Variants in ORC3 observed in about 807,000 individuals in gnomAD.
The protein encoded by ORC3 is homolog of latheo, Drosophila.
Under a neutral mutation model 100.7 loss-of-function variants are expected in ORC3, and 78 were observed. The ratio of observed to expected loss-of-function variants is 0.77; its 90% CI spans 0.65 to 0.94. The LOEUF is 0.94. Ranked by LOEUF, ORC3 falls within the 40% of genes least tolerant of loss-of-function variation. ORC3 has a pLI of 0.00. For synonymous variants in ORC3, 295 were observed against 289.3 expected, an observed-to-expected ratio of 1.02 and a Z score of -0.20; for missense variants, 789 against 823.9, an observed-to-expected ratio of 0.96 and a Z score of 0.52.
At chr6:87,636,093 C>T (rs759755186) in intron 12 of ORC3, among the ~76,000 whole-genome samples, 14 of 151,738 alleles carry the variant, frequency 9.2e-5, no homozygotes, top group Non-Finnish European at 2.1e-4. Context: ...TACAGATGCC[C>T]GGCTAGTTTT....
At chr6:87,639,717 C>T (rs1241689152) in intron 13 of ORC3, among the ~76,000 whole-genome samples, 9 of 151,722 alleles carry the variant, frequency 5.9e-5, no homozygotes, top group South Asian at 4.2e-4. Context: ...CAGTGGCTTA[C>T]GCCTGTAATC....
chr6:87,663,546 AAG>A (rs1483471934), intron 17 of ORC3, among the ~76,000 whole-genome samples: 1 of 152,240 alleles, frequency 6.6e-6, no homozygotes, highest in Non-Finnish European at 1.5e-5. Flanking sequence ...TCTAGTGGGA[AAG>A]AGAAATACTT....
rs904895395 is a variant in ORC3, at chr6:87,622,777, C to A, written c.1185+764C>A. ...TATTTTGGCAGTTGCTGCCTTCTTACAATATTCTGCACCTTGTTTCATTTT... is the reference window on the plus strand; with the variant it reads ...TATTTTGGCAGTTGCTGCCTTCTTAAAATATTCTGCACCTTGTTTCATTTT... On this transcript the variant is annotated intron_variant, in intron 11 of 19. Transcript: ENST00000392844. 2.6e-5 allele frequency among the ~76,000 whole-genome samples: 4 copies of A among 152,112 alleles called. No individual in the cohort carries two copies. In the East Asian group the frequency reaches 5.8e-4, roughly 22 times the overall value.
At chr6:87,594,476 A>C (rs1451854623) in intron 2 of ORC3, 69 bp downstream of exon 2, 15 of 1,426,892 alleles carry the variant, frequency 1.1e-5, no homozygotes, top group African/African-American at 1.4e-5. Context: ...ACCCTAATTG[A>C]ATTTAGTAAT....
chr6:87,675,999 A>G, the ORC3 span: 3 of 1,280,444 alleles, frequency 2.3e-6, no homozygotes, highest in Admixed American at 3.8e-5. Context: ...AACTGAAAAC[A>G]CAAAATATAC....
At chr6:87,616,881 A>C (rs892650906) in intron 9 of ORC3, among the ~76,000 whole-genome samples, 1 of 151,998 alleles carries the variant, frequency 6.6e-6, no homozygotes, top group African/African-American at 2.4e-5. Flanking sequence ...GCTCACTGCA[A>C]CCTTCGCCTC....
intron 14 of ORC3, among the ~76,000 whole-genome samples, chr6:87,654,253 C>T (rs1012874148): frequency 8.5e-5 from 13 of 152,190 alleles, no homozygotes; most frequent in African/African-American, 3.1e-4. Flanking sequence ...TCCATAGCTA[C>T]AATGTGAGGC....
In ORC3 at chr6:87,636,841, T is replaced by C. The variant is rs147256202; in HGVS notation, c.1382+355T>C. Among the ~76,000 whole-genome samples the C allele has an allele frequency of 2.0e-4, 31 of 152,322 alleles. 1 individual carries two copies. In the East Asian group the frequency reaches 6.0e-3, roughly 29 times the overall value. On this transcript the variant is annotated intron_variant, in intron 13 of 19. Coordinates refer to ENST00000392844, the MANE Select transcript of ORC3 (RefSeq NM_012381.4). ...CAAGTCATGAAAAGTGAGGTCACCA[T>C]GTCCCCAACCTGGTTGAATGCAGGA...
At chr6:87,614,418 A>G (rs1779007966) in intron 8 of ORC3, among the ~76,000 whole-genome samples, 1 of 152,082 alleles carries the variant, frequency 6.6e-6, no homozygotes, top group Non-Finnish European at 1.5e-5. Context: ...CCCTGGAGAT[A>G]TTTTCTCCAT....
chr6:87,630,185 T>C (rs1767287952), intron 11 of ORC3, among the ~76,000 whole-genome samples: 1 of 152,046 alleles, frequency 6.6e-6, no homozygotes, highest in African/African-American at 2.4e-5. Flanking sequence ...ATCCCAGCAC[T>C]TTGGGAGGCC....
intron 11 of ORC3, among the ~76,000 whole-genome samples, chr6:87,628,325 TTAAAA>T (rs967832807): frequency 4.6e-5 from 7 of 152,144 alleles, no homozygotes; most frequent in African/African-American, 1.7e-4. Context: ...ATCCCAGAAC[TTAAAA>T]TAAAATAAAA....
chr6:87,666,279 C>G (rs906240906), intron 19 of ORC3, among the ~76,000 whole-genome samples: 2 of 151,780 alleles, frequency 1.3e-5, no homozygotes, highest in Admixed American at 6.6e-5. Flanking sequence ...TTACAGGTGC[C>G]TGCCACCAAG....
chr6:87,633,757 T>G (rs1432828084), intron 11 of ORC3, among the ~76,000 whole-genome samples: 1 of 152,172 alleles, frequency 6.6e-6, no homozygotes, highest in Non-Finnish European at 1.5e-5. Flanking sequence ...TTGAAGACCA[T>G]GGCACAGATG....
intron 11 of ORC3, among the ~76,000 whole-genome samples, chr6:87,631,525 C>G (rs1767408010): frequency 6.6e-6 from 1 of 152,086 alleles, no homozygotes; most frequent in African/African-American, 2.4e-5. Context: ...TGGAATCTCA[C>G]TCTGTCACCC....
rs776379739 is a variant in ORC3, at chr6:87,609,169, T to C, written c.653T>C (p.Ile218Thr). ...TGGCAGTCTCCTCCTGTTGTCGTTA[T>C]CTTGAAGGATATGGAAAGCTTTGCC... is the stretch of plus-strand genomic sequence containing the variant. ...SQWQSPPVVVILKDMESFATK... is the reference protein window; with the variant it reads ...SQWQSPPVVVTLKDMESFATK... Residue 218 changes from isoleucine (I) to threonine (T), a missense_variant, in exon 7 of 20, where the codon ATC becomes ACC. Ile to Thr is a moderately conservative substitution (Grantham distance 89, BLOSUM62 -1). Coordinates refer to ENST00000392844, the MANE Select transcript of ORC3 (RefSeq NM_012381.4). 15 of 1,610,696 alleles carry C rather than the reference T, an allele frequency of 9.3e-6. No individual in the cohort carries two copies. The East Asian group carries it at 2.7e-4, about 29-fold the overall frequency.
chr6:87,616,182 ACTAG>A (rs1030031413), intron 8 of ORC3, 128 bp from the exon 9 acceptor site: 7 of 425,950 alleles, frequency 1.6e-5, no homozygotes, highest in African/African-American at 1.4e-4. Flanking sequence ...AGCTTAAAAA[ACTAG>A]CTATTATTGC....
intron 2 of ORC3, among the ~76,000 whole-genome samples, chr6:87,600,923 T>C (rs1384366468): frequency 1.3e-5 from 2 of 152,240 alleles, no homozygotes; most frequent in Non-Finnish European, 2.9e-5. Context: ...TATTCCTTAA[T>C]GTGGATTATA....
chr6:87,636,676 T>C (rs546076357), intron 13 of ORC3, among the ~76,000 whole-genome samples, 190 bp downstream of exon 13: 1 of 152,362 alleles, frequency 6.6e-6, no homozygotes, highest in East Asian at 1.9e-4. Context: ...ATCCGTTTCT[T>C]TGCTGGTTTA....
intron 13 of ORC3, among the ~76,000 whole-genome samples, chr6:87,638,451 G>A (rs1392666496): frequency 6.6e-6 from 1 of 152,150 alleles, no homozygotes; most frequent in African/African-American, 2.4e-5. Context: ...ACCCCTGAAT[G>A]ATGCTTTGGA....
Sources: allele counts gnomAD v4.1 joint callset (sites outside exome capture counted in the v4.1 genomes callset), GRCh38; gene constraint gnomAD v4.1.1; transcripts MANE v1.5; gene names NCBI Gene and HGNC (gene_info 2026-07-23, HGNC 2026-07-21).